RNF135: variants seen among roughly 807,000 people sequenced by gnomAD.
The protein encoded by RNF135 is E3 ubiquitin-protein ligase RNF135.
In RNF135, 46 loss-of-function variants were observed where a neutral mutation model predicts 41.9. The observed-to-expected ratio is 1.10, with a 90% CI of 0.87 to 1.40. The LOEUF is 1.40. Among genes scored for constraint, RNF135 ranks in the 40% most tolerant of loss-of-function variants. RNF135 has a pLI of 0.00. For synonymous variants in RNF135, 238 were observed against 223.8 expected (o/e 1.06, Z -0.57); for missense variants, 539 against 549.8 (o/e 0.98, Z 0.20).
In RNF135 at chr17:30,971,326, T is replaced by TA; in HGVS notation, c.254dup (p.Tyr85Ter). 1 of 1,533,660 alleles carries TA rather than the reference T, an allele frequency of 6.5e-7. No homozygotes were observed. Among genetic ancestry groups the TA allele is most frequent in the Non-Finnish European group, 8.7e-7 (1 of 1,143,586 alleles). ...GCTACTGCAGGACCTGGCCGACAAG[T>TA]ACCGCCGCGCCGCACGCGAGATACA... is the stretch of plus-strand genomic sequence containing the variant. ...NTLLQDLADK[Y>*]RRAAREIQAG... The change falls in exon 1 of 5, where the codon TAC (tyrosine) becomes TAAC (stop). Residue 85 changes from tyrosine (Y) to a stop codon, truncating the protein, a stop_gained and frameshift_variant. Coordinates refer to ENST00000328381, the MANE Select transcript of RNF135 (RefSeq NM_032322.4). LOFTEE classifies it high-confidence loss of function.
At chr17:30,960,485 T>A in the RNF135 span, among the ~76,000 whole-genome samples, 1 of 150,876 alleles carries the variant, frequency 6.6e-6, no homozygotes, top group African/African-American at 2.4e-5. Context: ...CACTTAAGCC[T>A]GAGATTTCAA....
intron 1 of RNF135, among the ~76,000 whole-genome samples, chr17:30,974,930 G>A (rs1906311530): frequency 1.3e-5 from 2 of 151,820 alleles, no homozygotes; most frequent in Non-Finnish European, 2.9e-5. Context: ...TGCCTGCCTC[G>A]GCCTCCCAAA....
intron 1 of RNF135, among the ~76,000 whole-genome samples, chr17:30,973,960 G>A (rs924772618): frequency 2.6e-5 from 4 of 152,168 alleles, no homozygotes; most frequent in Non-Finnish European, 5.9e-5. Context: ...CATTTGGCTG[G>A]GCCAGGCATG....
At chr17:30,960,575 A>T in the RNF135 span, among the ~76,000 whole-genome samples, 1 of 151,916 alleles carries the variant, frequency 6.6e-6, no homozygotes, top group Non-Finnish European at 1.5e-5. Context: ...AAGAACAGTT[A>T]TGTCACACCC....
At chr17:30,975,993 A>G in intron 1 of RNF135, 1 of 360,678 alleles carries the variant, frequency 2.8e-6, no homozygotes, top group Non-Finnish European at 5.1e-6. Flanking sequence ...AAAAAAATAA[A>G]TACTAAAAAA....
the RNF135 span, among the ~76,000 whole-genome samples, chr17:30,961,319 C>T: frequency 6.6e-6 from 1 of 152,118 alleles, no homozygotes; most frequent in African/African-American, 2.4e-5. Context: ...TCATGCTGAC[C>T]ATTCAGTCAA....
the RNF135 span, among the ~76,000 whole-genome samples, chr17:30,964,461 G>T: frequency 6.7e-6 from 1 of 149,638 alleles, no homozygotes; most frequent in African/African-American, 2.5e-5. Flanking sequence ...ATGTTAGGCC[G>T]AGCGTGGTGG....
At position 30,988,218 on chromosome 17, in the gene RNF135, A is replaced by C; in HGVS notation, c.679+112A>C. 3 of 1,043,408 alleles carry C rather than the reference A, an allele frequency of 2.9e-6. No homozygotes were observed. The South Asian group carries it at 4.0e-5, about 14-fold the overall frequency. 64.6% of individuals were successfully genotyped at this position (1,043,408 alleles called of 1,614,324 possible). A position where few individuals can be genotyped will look rare whatever the true frequency, so the allele number is the denominator to read the frequency against. ...TAGGATCCCAGAGTCCAGCTGTATT[A>C]CCACTGTGGTGTCGTGAATCAGGTA... On this transcript the variant is annotated intron_variant, in intron 3 of 4. Transcript: ENST00000328381.
In RNF135 at chr17:30,991,253, C is replaced by T. The variant is rs552583930; in HGVS notation, c.679+3147C>T. Among the ~76,000 whole-genome samples, 14 of 151,782 alleles carry T rather than the reference C, an allele frequency of 9.2e-5. No homozygotes were observed. The South Asian group carries it at 1.7e-3, about 18-fold the overall frequency. On this transcript the variant is annotated intron_variant, in intron 3 of 4. Transcript: ENST00000328381. ...TGGTGGGTGCCCGTAATCCCAGTTA[C>T]GTGGGAGGTTGAGGCAGGTGAATTG...
At chr17:30,980,728 C>T (rs939997824) in intron 1 of RNF135, among the ~76,000 whole-genome samples, 1 of 137,328 alleles carries the variant, frequency 7.3e-6, no homozygotes. Context: ...CCAGACAGGG[C>T]GGTGGGGCAG....
At chr17:30,970,948 A>G, upstream of RNF135, 2 of 1,337,388 alleles carry the variant, frequency 1.5e-6, no homozygotes, top group East Asian at 5.2e-5. Context: ...GGGTGGCGCC[A>G]AGGAAGGAGG....
chr17:30,993,214 C>T (rs1908110537), intron 3 of RNF135, among the ~76,000 whole-genome samples: 2 of 152,158 alleles, frequency 1.3e-5, no homozygotes, highest in African/African-American at 4.8e-5. Flanking sequence ...GCTCCCGACA[C>T]CACATCTGGA....
At chr17:30,973,870 T>A (rs1050189980) in intron 1 of RNF135, among the ~76,000 whole-genome samples, 2 of 152,210 alleles carry the variant, frequency 1.3e-5, no homozygotes, top group Non-Finnish European at 2.9e-5. Context: ...TTCTTTTGTA[T>A]GTGGAAATCC....
chr17:30,998,040 C>T (rs560760503), intron 4 of RNF135, among the ~76,000 whole-genome samples: 6 of 152,314 alleles, frequency 3.9e-5, no homozygotes, highest in East Asian at 1.9e-4. Context: ...CACCATAAGA[C>T]GGGCGTGAGC....
chr17:30,972,399 C>T (rs902459309), intron 1 of RNF135: 1 of 152,166 alleles, frequency 6.6e-6, no homozygotes, highest in African/African-American at 2.4e-5. Flanking sequence ...AGGTGTGAGC[C>T]ACCGCGCCCC....
the RNF135 span, among the ~76,000 whole-genome samples, chr17:30,962,850 A>G: frequency 6.6e-5 from 10 of 152,186 alleles, no homozygotes; most frequent in African/African-American, 2.4e-4. Flanking sequence ...TTTTATAACA[A>G]ACTTTCCCGG....
chr17:30,971,491 C>A, intron 1 of RNF135, 46 bp downstream of exon 1: 3 of 1,449,092 alleles, frequency 2.1e-6, no homozygotes, highest in Non-Finnish European at 2.7e-6. Context: ...CCGGGCTGCC[C>A]GCCGCCTGAC....
At chr17:30,973,543 C>T (rs1028333675) in intron 1 of RNF135, among the ~76,000 whole-genome samples, 2 of 151,878 alleles carry the variant, frequency 1.3e-5, no homozygotes, top group African/African-American at 4.8e-5. Context: ...TCTCAGCTCA[C>T]TGCAGCCTCC....
rs1167891273 is a variant in RNF135 at position 30,979,536 on chromosome 17, C to G, written c.373-5081C>G. ...CCCGGACGGGGCAGCTGGCCGACCC[C>G]CCCCCCCCGCCTCCCTCCCGGACGG... On this transcript the variant is annotated intron_variant, in intron 1 of 4. Transcript: ENST00000328381. Among the ~76,000 whole-genome samples, 14 of 83,386 alleles carry G rather than the reference C, an allele frequency of 1.7e-4. 2 individuals carry two copies. Among genetic ancestry groups the G allele is most frequent in the African/African-American group, 5.6e-4 (14 of 25,148 alleles). The allele number at this position is 83,386 out of a possible 152,430, so 54.7% of individuals were successfully genotyped here. A position where few individuals can be genotyped will look rare whatever the true frequency, so the allele number is the denominator to read the frequency against.
Sources: gnomAD v4.1 joint callset for allele counts (sites outside exome capture counted in the v4.1 genomes callset) on GRCh38, gnomAD v4.1.1 for gene constraint, MANE v1.5 for transcripts, NCBI Gene and HGNC (gene_info 2026-07-23, HGNC 2026-07-21) for gene names.